Variants in MCTP2 observed in about 807,000 individuals in gnomAD.
MCTP2 encodes the protein multiple C2 and transmembrane domain containing 2.
A neutral mutation model predicts 111.6 loss-of-function variants in MCTP2; 132 were observed. The ratio of observed to expected loss-of-function variants is 1.18; its 90% CI spans 1.03 to 1.37. The LOEUF is 1.37. MCTP2 is among the 40% of genes most tolerant of loss of function. The pLI is 0.00. For missense variants in MCTP2, 1,183 were observed against 1,067.9 expected (o/e 1.11, Z -1.50); for synonymous variants, 395 against 387.7 (o/e 1.02, Z -0.22).
At chr15:94,245,266 G>A (rs1194014686) in intron 1 of MCTP2, among the ~76,000 whole-genome samples, 1 of 138,052 alleles carries the variant, frequency 7.2e-6, no homozygotes, top group Non-Finnish European at 1.6e-5. Context: ...ATATACATAT[G>A]TGTATATACG....
chr15:94,395,172 G>A (rs1194277080), intron 14 of MCTP2, among the ~76,000 whole-genome samples: 1 of 152,170 alleles, frequency 6.6e-6, no homozygotes, highest in Non-Finnish European at 1.5e-5. Flanking sequence ...GTCTGTCCTC[G>A]TCACATTTTA....
At chr15:94,422,058 G>C (rs1055930658) in intron 17 of MCTP2, among the ~76,000 whole-genome samples, 7 of 152,156 alleles carry the variant, frequency 4.6e-5, no homozygotes, top group African/African-American at 7.2e-5. Context: ...GAGTGGCTGG[G>C]AGGACAGCAA....
chr15:94,452,597 G>A (rs1172203723), intron 19 of MCTP2, among the ~76,000 whole-genome samples: 2 of 152,072 alleles, frequency 1.3e-5, no homozygotes, highest in Non-Finnish European at 2.9e-5. Flanking sequence ...AAGTACTGTA[G>A]CAACACTGAG....
chr15:94,415,204 C>A (rs1436616031), intron 17 of MCTP2, among the ~76,000 whole-genome samples: 3 of 152,126 alleles, frequency 2.0e-5, no homozygotes, highest in Non-Finnish European at 4.4e-5. Flanking sequence ...ATTGCTCAGA[C>A]ACTTCCTTAA....
rs764077639 is a variant in MCTP2 at position 94,367,734 on chromosome 15, T to A, written c.1431T>A (p.Asp477Glu). The A allele has an allele frequency of 1.9e-6, 3 of 1,609,154 alleles. No individual in the cohort carries two copies. The highest frequency in any genetic ancestry group is 3.3e-4 in the Middle Eastern group (2 of 6,032). ...CCTGTGCGGGGGTCTCCGTCTCTGA[T>A]CTGTGTGTCTGCCCCTTAGCAGACC... ...LTPCAGVSVS[D>E]LCVCPLADLS... is the part of the protein sequence containing the mutation. Residue 477 changes from aspartate to glutamate, a missense_variant, in exon 11 of 23, where the codon GAT (aspartate) becomes GAA (glutamate). Physicochemically the swap from Asp to Glu is conservative, Grantham distance 45. Coordinates refer to ENST00000357742, the MANE Select transcript of MCTP2 (RefSeq NM_001385001.1).
chr15:94,425,485 C>CT (rs2082838755), intron 17 of MCTP2, among the ~76,000 whole-genome samples: 1 of 151,628 alleles, frequency 6.6e-6, no homozygotes, highest in Non-Finnish European at 1.5e-5. Flanking sequence ...CAGAGGCAAA[C>CT]TTATTAACTT....
chr15:94,388,840 TG>T lies in MCTP2; in HGVS notation c.1788+3317del, dbSNP rs1246736570. On this transcript the variant is annotated intron_variant, in intron 14 of 22. Transcript: ENST00000357742. ...AATAGAGACAGGATTTGAATTTAGG[TG>T]GTCTCATACTAAAGCCTGAGCTCCT... Among the ~76,000 whole-genome samples, 9 of 152,222 alleles carry T rather than the reference TG, an allele frequency of 5.9e-5. No individual in the cohort carries two copies. In the East Asian group the frequency reaches 1.7e-3, roughly 29 times the overall value.
rs558495237 is a variant in MCTP2 at position 94,270,472 on chromosome 15, A to T, written c.-65-27729A>T. The stretch of plus-strand genomic sequence containing the variant: ...AGTGGTTTCCCAGCCCACTCACAGT[A>T]AAAGCTGATGTCCACAGACTGGCCT... On this transcript the variant is annotated intron_variant, in intron 1 of 22. Coordinates refer to ENST00000357742, the MANE Select transcript of MCTP2 (RefSeq NM_001385001.1). Among the ~76,000 whole-genome samples, 435 of 152,232 alleles carry T rather than the reference A, an allele frequency of 2.9e-3. 1 individual carries two copies. Among genetic ancestry groups the T allele is most frequent in the Non-Finnish European group, 5.1e-3 (346 of 68,022 alleles).
chr15:94,327,444 G>T (rs1332093734), intron 4 of MCTP2, among the ~76,000 whole-genome samples: 1 of 152,080 alleles, frequency 6.6e-6, no homozygotes. Context: ...TCTCTTGTTC[G>T]GCATCAGCTC....
chr15:94,453,792 A>T lies in MCTP2; in HGVS notation c.2251-4345A>T, dbSNP rs865870215. On this transcript the variant is annotated intron_variant, in intron 19 of 22. Coordinates refer to ENST00000357742, the MANE Select transcript of MCTP2 (RefSeq NM_001385001.1). ...TCTACCCTGGGGCCTTGACTTGATCATGTCACTGACATTTGTAAATCTAAG... is the reference window on the plus strand; with the variant it reads ...TCTACCCTGGGGCCTTGACTTGATCTTGTCACTGACATTTGTAAATCTAAG... Among the ~76,000 whole-genome samples, 3 of 152,212 alleles carry T rather than the reference A, an allele frequency of 2.0e-5. No individual in the cohort carries two copies. The East Asian group carries it at 5.8e-4, about 29-fold the overall frequency.
At chr15:94,403,886 A>G (rs868763077) in intron 17 of MCTP2, among the ~76,000 whole-genome samples, 112 of 152,328 alleles carry the variant, frequency 7.4e-4, no homozygotes, top group African/African-American at 2.6e-3. Context: ...GCAAGGATCC[A>G]TGGGTATATG....
intron 4 of MCTP2, among the ~76,000 whole-genome samples, chr15:94,328,394 CT>C (rs1303160107): frequency 6.6e-6 from 1 of 152,176 alleles, no homozygotes; most frequent in Non-Finnish European, 1.5e-5. Context: ...TCCCAAAGTG[CT>C]GGGATTCCAG....
chr15:94,310,520 C>T (rs966169775), intron 2 of MCTP2, among the ~76,000 whole-genome samples: 1 of 151,976 alleles, frequency 6.6e-6, no homozygotes, highest in African/African-American at 2.4e-5. Flanking sequence ...AGCACAGTAG[C>T]TCATATCTGT....
At chr15:94,255,368 A>G (rs1257078811) in intron 1 of MCTP2, among the ~76,000 whole-genome samples, 1 of 152,192 alleles carries the variant, frequency 6.6e-6, no homozygotes, top group Non-Finnish European at 1.5e-5. Flanking sequence ...CTAGTATCAA[A>G]TCTAGAGAGA....
chr15:94,326,829 A>ACCCCG (rs2076905329), intron 4 of MCTP2, among the ~76,000 whole-genome samples: 1 of 19,646 alleles, frequency 5.1e-5, no homozygotes, highest in African/African-American at 2.2e-4. Context: ...CCCCCCCCCA[A>ACCCCG]CCTCGGCCTC....
At chr15:94,325,081 C>T (rs1159827620) in intron 4 of MCTP2, among the ~76,000 whole-genome samples, 2 of 152,178 alleles carry the variant, frequency 1.3e-5, no homozygotes, top group African/African-American at 4.8e-5. Flanking sequence ...CTACAGACAT[C>T]ATTTTGTTTT....
intron 17 of MCTP2, among the ~76,000 whole-genome samples, chr15:94,438,952 A>G (rs949254958): frequency 2.2e-4 from 34 of 152,308 alleles, no homozygotes; most frequent in East Asian, 1.3e-3. Context: ...AAAATTACAA[A>G]TAGAAAAGAG....
intron 1 of MCTP2, among the ~76,000 whole-genome samples, chr15:94,281,060 A>G (rs193141725): frequency 2.7e-4 from 41 of 152,228 alleles, no homozygotes; most frequent in Admixed American, 2.7e-3. Flanking sequence ...TGGTTGGAGT[A>G]TTCTGTAGAA....
chr15:94,342,083 G>A (rs1354220399), intron 7 of MCTP2: 1 of 152,012 alleles, frequency 6.6e-6, no homozygotes, highest in East Asian at 1.9e-4. Flanking sequence ...TTGTCACGTG[G>A]TTGACAACTT....
Sources: allele counts gnomAD v4.1 joint callset (sites outside exome capture counted in the v4.1 genomes callset), GRCh38; gene constraint gnomAD v4.1.1; transcripts MANE v1.5; gene names NCBI Gene and HGNC (gene_info 2026-07-23, HGNC 2026-07-21).